Variants in SV2B observed in about 807,000 individuals in gnomAD.
SV2B encodes synaptic vesicle glycoprotein 2B, also known as solute carrier family 22 member B2.
Under a neutral mutation model 73.9 loss-of-function variants are expected in SV2B, and 41 were observed. The observed-to-expected ratio is 0.56, with a 90% confidence interval of 0.43 to 0.72. The LOEUF (loss-of-function observed/expected upper bound fraction) is 0.72. Among genes scored for constraint, SV2B ranks in the 30% least tolerant of loss-of-function variants. The pLI is 0.00. For synonymous variants in SV2B, 314 were observed against 314.2 expected (o/e 1.00, Z 0.01); for missense variants, 764 against 857.8 (o/e 0.89, Z 1.37).
At chr15:91,180,394 G>T (rs2044503166) in intron 1 of SV2B, among the ~76,000 whole-genome samples, 1 of 151,818 alleles carries the variant, frequency 6.6e-6, no homozygotes, top group Admixed American at 6.6e-5. Flanking sequence ...TTCTCGAGGA[G>T]TATCTTTGTG....
chr15:91,226,572 C>A lies in SV2B; in HGVS notation c.309C>A (p.Gly103=), dbSNP rs1043614604. 2 of 1,614,168 alleles carry A rather than the reference C, an allele frequency of 1.2e-6. No individual in the cohort carries two copies. The highest frequency in any genetic ancestry group is 1.7e-6 in the Non-Finnish European group (2 of 1,180,024). Residue 103 remains glycine, a synonymous_variant, in exon 2 of 13, where the codon GGC becomes GGA. Transcript: ENST00000394232. ...ACGAGACCATCATGGATGAGTGTGG[C>A]CATGGCCGCTTCCAGTGGATCCTCT... is the stretch of plus-strand genomic sequence containing the variant. ...HQYETIMDEC[G]HGRFQWILFF...
chr15:91,209,083 A>G (rs979683276), intron 1 of SV2B, among the ~76,000 whole-genome samples: 14 of 150,430 alleles, frequency 9.3e-5, no homozygotes, highest in African/African-American at 7.4e-5. Flanking sequence ...GCCATCAGTT[A>G]CAATGAGTGA....
At chr15:91,207,914 G>A (rs1258316220) in intron 1 of SV2B, among the ~76,000 whole-genome samples, 1 of 152,142 alleles carries the variant, frequency 6.6e-6, no homozygotes, top group Non-Finnish European at 1.5e-5. Flanking sequence ...GGGCCTTCAG[G>A]GGAGAAGTGA....
intron 1 of SV2B, among the ~76,000 whole-genome samples, chr15:91,160,054 G>A (rs2043655184): frequency 6.6e-6 from 1 of 152,100 alleles, no homozygotes; most frequent in South Asian, 2.1e-4. Context: ...TTTACAGAAG[G>A]ATTAAATGTT....
Position 91,267,035 on chromosome 15 carries a change from C to A in SV2B, c.1119+343C>A, listed in dbSNP as rs555011976. On this transcript the variant is annotated intron_variant, in intron 7 of 12. Coordinates refer to ENST00000394232, the MANE Select transcript of SV2B (RefSeq NM_001323032.3). The surrounding 1 kb of genome is among the most constrained non-coding windows in gnomAD (Gnocchi z 4.3). Reference sequence around the variant, plus strand: ...AGGAAGAAGTGAGTAAAATAAATGACCCCTTGAGGCTTGTTCTTGATTTCC... The same window carrying A: ...AGGAAGAAGTGAGTAAAATAAATGAACCCTTGAGGCTTGTTCTTGATTTCC... 1.0e-5 allele frequency: 2 copies of A among 197,628 alleles called. No homozygotes were observed. Among genetic ancestry groups the A allele is most frequent in the Non-Finnish European group, 1.0e-5 (1 of 97,964 alleles). 12.2% of individuals were successfully genotyped at this position (197,628 alleles called of 1,614,324 possible). A position where few individuals can be genotyped will look rare whatever the true frequency, so the allele number is the denominator to read the frequency against.
Position 91,224,057 on chromosome 15 carries a change from G to A in SV2B, c.-391-1816G>A, listed in dbSNP as rs2046300057. 2.0e-5 allele frequency among the ~76,000 whole-genome samples: 3 copies of A among 152,236 alleles called. No homozygotes were observed. Among genetic ancestry groups the A allele is most frequent in the Admixed American group, 1.3e-4 (2 of 15,286 alleles). On this transcript the variant is annotated intron_variant, in intron 1 of 12. Coordinates refer to ENST00000394232, the MANE Select transcript of SV2B (RefSeq NM_001323032.3). The surrounding 1 kb of genome is among the most constrained non-coding windows in gnomAD (Gnocchi z 4.9). Reference sequence around the variant, plus strand: ...CTCTCAGAAGGAAATGCATTGTATTGTCTGAGTCAGATGGGTTTCAGTGCT... The same window carrying A: ...CTCTCAGAAGGAAATGCATTGTATTATCTGAGTCAGATGGGTTTCAGTGCT...
chr15:91,233,755 A>G (rs1038550584), intron 2 of SV2B, among the ~76,000 whole-genome samples: 13 of 152,168 alleles, frequency 8.5e-5, no homozygotes, highest in Admixed American at 6.5e-5. Context: ...CTCCTGAGGC[A>G]GTTGCCTTGC....
chr15:91,234,028 C>G lies in SV2B; in HGVS notation c.451+7314C>G, dbSNP rs2046683890. ...GATTTGGGCCCACTAAGCAGAAATT[C>G]TGCATTTAATGTTGCAGCTTGTAGG... is the stretch of plus-strand genomic sequence containing the variant. On this transcript the variant is annotated intron_variant, in intron 2 of 12. Transcript: ENST00000394232. This position sits in a 1 kb window ranked among gnomAD's most constrained non-coding sequence, Gnocchi z 5.6. Among the ~76,000 whole-genome samples the G allele has an allele frequency of 6.6e-6, 1 of 152,176 alleles. No individual in the cohort carries two copies. The highest frequency in any genetic ancestry group is 1.5e-5 in the Non-Finnish European group (1 of 68,026).
In SV2B at chr15:91,124,611, C is replaced by G. The variant is rs1167420081; in HGVS notation, c.-392+24248C>G. Among the ~76,000 whole-genome samples, 1 of 152,106 alleles carries G rather than the reference C, an allele frequency of 6.6e-6. No individual in the cohort carries two copies. The highest frequency in any genetic ancestry group is 1.9e-4 in the East Asian group (1 of 5,204). On this transcript the variant is annotated intron_variant, in intron 1 of 12. Coordinates refer to ENST00000394232, the MANE Select transcript of SV2B (RefSeq NM_001323032.3). This position sits in a 1 kb window ranked among gnomAD's most constrained non-coding sequence, Gnocchi z 4.6. ...TTGCTGGGGCTGCTATAACAAAACA[C>G]CATGGAACGGGTGATCTAAACAACA...
chr15:91,266,805 G>A lies in SV2B; in HGVS notation c.1119+113G>A, dbSNP rs529716118. On this transcript the variant is annotated intron_variant, in intron 7 of 12. Transcript: ENST00000394232. ...CCCACCAACCTGGGCCAGCGTGATG[G>A]AGAGGAAGCAACCCTGGAGGGGGGC... 8.5e-6 allele frequency: 7 copies of A among 826,126 alleles called. No homozygotes were observed. In the Admixed American group the frequency reaches 1.5e-4, roughly 17 times the overall value. 51.2% of individuals were successfully genotyped at this position (826,126 alleles called of 1,614,324 possible).
chr15:91,231,603 T>G lies in SV2B; in HGVS notation c.451+4889T>G, dbSNP rs8040947. 4.1e-3 allele frequency among the ~76,000 whole-genome samples: 620 copies of G among 152,340 alleles called. 5 individuals are homozygous for G. The highest frequency in any genetic ancestry group is 0.014 in the African/African-American group (593 of 41,582). On this transcript the variant is annotated intron_variant, in intron 2 of 12. Coordinates refer to ENST00000394232, the MANE Select transcript of SV2B (RefSeq NM_001323032.3). This position sits in a 1 kb window ranked among gnomAD's most constrained non-coding sequence, Gnocchi z 4.5. ...CAAACCAACCCCATCCTTTTCTGCC[T>G]GCATTTGATAAATTGACACCAATTT...
At chr15:91,287,802 A>C (rs1337784268) in intron 11 of SV2B, among the ~76,000 whole-genome samples, 1 of 152,218 alleles carries the variant, frequency 6.6e-6, no homozygotes, top group Non-Finnish European at 1.5e-5. Context: ...TTATGGAAAC[A>C]AATAAGGCAG....
rs970320841 is a variant in SV2B, at chr15:91,132,794, C to T, written c.-392+32431C>T. 4.0e-5 allele frequency among the ~76,000 whole-genome samples: 6 copies of T among 151,866 alleles called. No individual in the cohort carries two copies. Among genetic ancestry groups the T allele is most frequent in the African/African-American group, 7.3e-5 (3 of 41,330 alleles). ...GTTTGAGGCTGCAGTGAGCTATAGT[C>T]GCACCACTGCACTCCAGCCTGGGCA... On this transcript the variant is annotated intron_variant, in intron 1 of 12. Coordinates refer to ENST00000394232, the MANE Select transcript of SV2B (RefSeq NM_001323032.3). This position sits in a 1 kb window ranked among gnomAD's most constrained non-coding sequence, Gnocchi z 4.6.
intron 2 of SV2B, among the ~76,000 whole-genome samples, chr15:91,237,561 G>T (rs1187486778): frequency 6.6e-6 from 1 of 152,212 alleles, no homozygotes; most frequent in African/African-American, 2.4e-5. Context: ...TGAGTCATGG[G>T]CATATACATT....
At chr15:91,125,683 G>A (rs987105980) in intron 1 of SV2B, among the ~76,000 whole-genome samples, 16 of 151,092 alleles carry the variant, frequency 1.1e-4, no homozygotes, top group Non-Finnish European at 2.1e-4. Context: ...GCTGAGGTGG[G>A]AGGAATGCTT....
In SV2B at chr15:91,284,257, G is replaced by A. The variant is rs557078807; in HGVS notation, c.1708+36G>A. The A allele has an allele frequency of 2.1e-4, 332 of 1,606,812 alleles. 1 individual carries two copies. In the South Asian group the frequency reaches 3.3e-3, roughly 16 times the overall value. On this transcript the variant is annotated intron_variant, in intron 11 of 12. Coordinates refer to ENST00000394232, the MANE Select transcript of SV2B (RefSeq NM_001323032.3). This position sits in a 1 kb window ranked among gnomAD's most constrained non-coding sequence, Gnocchi z 4.5. ...AGCAGGGTCATTCCTGGGTTCCAAC[G>A]CGCTGGGGTGGTGACTTTCAAGTGT...
In SV2B at chr15:91,241,141, G is replaced by C. The variant is rs1336356141; in HGVS notation, c.452-10678G>C. Among the ~76,000 whole-genome samples the C allele has an allele frequency of 2.6e-5, 4 of 152,042 alleles. No homozygotes were observed. The East Asian group carries it at 5.8e-4, about 22-fold the overall frequency. ...TTTAATAAGTGATTTCCATTATCCTGGTCTGTCGTTTCCTTAAAGTCCTCT... is the reference window on the plus strand; with the variant it reads ...TTTAATAAGTGATTTCCATTATCCTCGTCTGTCGTTTCCTTAAAGTCCTCT... On this transcript the variant is annotated intron_variant, in intron 2 of 12. Coordinates refer to ENST00000394232, the MANE Select transcript of SV2B (RefSeq NM_001323032.3). The surrounding 1 kb of genome is among the most constrained non-coding windows in gnomAD (Gnocchi z 4.8).
At chr15:91,256,660 T>C (rs1181907606) in intron 4 of SV2B, among the ~76,000 whole-genome samples, 4 of 152,182 alleles carry the variant, frequency 2.6e-5, no homozygotes, top group African/African-American at 9.6e-5. Context: ...AGTGAGATGA[T>C]AAGAGACCAA....
intron 1 of SV2B, among the ~76,000 whole-genome samples, chr15:91,126,054 C>T (rs1471213097): frequency 6.6e-6 from 1 of 152,090 alleles, no homozygotes; most frequent in Non-Finnish European, 1.5e-5. Context: ...ACACATCTAG[C>T]ACTCTTAAGA....
Sources: allele counts gnomAD v4.1 joint callset (sites outside exome capture counted in the v4.1 genomes callset), GRCh38; gene constraint gnomAD v4.1.1; non-coding constraint Gnocchi (gnomAD v3.1); transcripts MANE v1.5; gene names NCBI Gene and HGNC (gene_info 2026-07-23, HGNC 2026-07-21).